Variants in VWC2 observed in about 807,000 individuals in gnomAD.
VWC2 encodes von Willebrand factor C domain containing 2.
VWC2 carries 14 observed loss-of-function variants against 29.8 expected under a neutral mutation model. That is an observed-to-expected ratio of 0.47 (90% CI 0.31 to 0.74). The LOEUF (loss-of-function observed/expected upper bound fraction) is 0.74, where lower values mean the gene tolerates loss of function less well. Ranked by LOEUF, VWC2 falls within the 30% of genes least tolerant of loss-of-function variation. VWC2 has a pLI of 0.05. For synonymous variants in VWC2, 213 were observed against 199.0 expected, an observed-to-expected ratio of 1.07 and a Z score of -0.59; for missense variants, 457 against 459.8, an observed-to-expected ratio of 0.99 and a Z score of 0.05.
intron 3 of VWC2, among the ~76,000 whole-genome samples, chr7:49,902,960 A>G (rs1792852579): frequency 6.6e-6 from 1 of 152,172 alleles, no homozygotes; most frequent in Non-Finnish European, 1.5e-5. Flanking sequence ...TAGGCAAAAT[A>G]CATGAAGAGT....
intron 2 of VWC2, among the ~76,000 whole-genome samples, chr7:49,784,351 G>A (rs1451621527): frequency 1.3e-5 from 2 of 152,230 alleles, no homozygotes; most frequent in East Asian, 3.8e-4. Flanking sequence ...TAAAAGCACA[G>A]CTGAAGTGGC....
intron 2 of VWC2, among the ~76,000 whole-genome samples, chr7:49,788,939 ATG>A (rs1457743000): frequency 1.5e-5 from 2 of 132,446 alleles, no homozygotes; most frequent in African/African-American, 5.8e-5. Context: ...GTGTGAGAAT[ATG>A]AGTGTGGGTG....
In VWC2 at chr7:49,911,822, G is replaced by A. The variant is rs190001805; in HGVS notation, c.827-212G>A. Among the ~76,000 whole-genome samples the A allele has an allele frequency of 5.0e-3, 757 of 150,558 alleles. 14 individuals are homozygous for A. Among genetic ancestry groups the A allele is most frequent in the Middle Eastern group, 6.9e-3 (2 of 288 alleles). On this transcript the variant is annotated intron_variant, in intron 3 of 3. Transcript: ENST00000340652. ...TGAGGCAGGAGAATTGCCTGAATCC[G>A]GGAGGCAGAAGTTGCAGTGAGCCGA...
At chr7:49,814,813 G>A (rs181891586) in intron 3 of VWC2, among the ~76,000 whole-genome samples, 14 of 152,250 alleles carry the variant, frequency 9.2e-5, no homozygotes, top group African/African-American at 3.4e-4. Flanking sequence ...GACCAGCCCT[G>A]GCGTCACTTC....
intron 3 of VWC2, among the ~76,000 whole-genome samples, chr7:49,835,694 A>G (rs957941762): frequency 1.4e-4 from 22 of 152,352 alleles, no homozygotes; most frequent in African/African-American, 5.3e-4. Context: ...TGGTGTGGCA[A>G]TTTGTGTTGC....
intron 3 of VWC2, among the ~76,000 whole-genome samples, chr7:49,824,968 A>C (rs1031563061): frequency 1.6e-4 from 25 of 152,036 alleles, no homozygotes; most frequent in African/African-American, 5.8e-4. Flanking sequence ...TACTCTTCCT[A>C]AGCCCAAATT....
chr7:49,798,989 C>T (rs145938400), intron 2 of VWC2, among the ~76,000 whole-genome samples: 85 of 152,268 alleles, frequency 5.6e-4, no homozygotes, highest in Non-Finnish European at 1.0e-3. Flanking sequence ...TGTGAGCCAG[C>T]GAGACAGGAC....
chr7:49,832,762 TA>T, intron 3 of VWC2, among the ~76,000 whole-genome samples: 1 of 152,276 alleles, frequency 6.6e-6, no homozygotes, highest in East Asian at 1.9e-4. Context: ...AACATTCAGG[TA>T]AAATTCTACA....
At chr7:49,851,041 T>C (rs1242358075) in intron 3 of VWC2, among the ~76,000 whole-genome samples, 1 of 152,168 alleles carries the variant, frequency 6.6e-6, no homozygotes, top group African/African-American at 2.4e-5. Context: ...CTAAAGTAGA[T>C]CAAGGTCCCA....
At chr7:49,882,548 C>CAG in intron 3 of VWC2, among the ~76,000 whole-genome samples, 1 of 151,742 alleles carries the variant, frequency 6.6e-6, no homozygotes, top group East Asian at 1.9e-4. Context: ...GAGAGAGAGA[C>CAG]AGAGAGAGAC....
intron 3 of VWC2, among the ~76,000 whole-genome samples, chr7:49,877,408 G>A (rs2128725512): frequency 7.5e-6 from 1 of 133,614 alleles, no homozygotes; most frequent in South Asian, 2.4e-4. Context: ...GTTGCAGTGA[G>A]CTGAGATCAC....
intron 3 of VWC2, among the ~76,000 whole-genome samples, chr7:49,866,237 T>A (rs1790886019): frequency 6.6e-6 from 1 of 152,202 alleles, no homozygotes; most frequent in African/African-American, 2.4e-5. Flanking sequence ...CCAGATGTGT[T>A]CACTGGGTAT....
intron 3 of VWC2, among the ~76,000 whole-genome samples, chr7:49,911,668 G>T (rs907228107): frequency 1.1e-4 from 16 of 151,808 alleles, no homozygotes; most frequent in African/African-American, 3.9e-4. Flanking sequence ...AAGCCAAGGT[G>T]GGTGGATCAC....
chr7:49,825,316 G>A (rs1215991655), intron 3 of VWC2, among the ~76,000 whole-genome samples: 2 of 151,998 alleles, frequency 1.3e-5, no homozygotes, highest in Non-Finnish European at 2.9e-5. Context: ...TGAAGTCTTT[G>A]TCTACAGAGC....
chr7:49,865,215 G>C (rs1049773921), intron 3 of VWC2, among the ~76,000 whole-genome samples: 1 of 152,170 alleles, frequency 6.6e-6, no homozygotes, highest in Non-Finnish European at 1.5e-5. Flanking sequence ...TGTGGTCCGT[G>C]GGGTAGGAGA....
chr7:49,814,367 A>G (rs1041044506), intron 3 of VWC2, among the ~76,000 whole-genome samples: 2 of 152,188 alleles, frequency 1.3e-5, no homozygotes, highest in East Asian at 3.8e-4. Context: ...ATTTCTGACA[A>G]ACTAGATAAG....
At chr7:49,807,444 A>G (rs1788905672) in intron 3 of VWC2, among the ~76,000 whole-genome samples, 1 of 152,196 alleles carries the variant, frequency 6.6e-6, no homozygotes, top group Admixed American at 6.5e-5. Flanking sequence ...AAGACTGACA[A>G]ATGGAACAGG....
chr7:49,846,901 T>C (rs1322571521), intron 3 of VWC2, among the ~76,000 whole-genome samples: 2 of 152,228 alleles, frequency 1.3e-5, no homozygotes, highest in Non-Finnish European at 2.9e-5. Flanking sequence ...AATATTATGA[T>C]ACAAATATCT....
chr7:49,874,773 G>C (rs1224523702), intron 3 of VWC2, among the ~76,000 whole-genome samples: 2 of 152,158 alleles, frequency 1.3e-5, no homozygotes, highest in African/African-American at 4.8e-5. Flanking sequence ...GAGGTGATGA[G>C]AGACCAGGAG....
Sources: allele counts gnomAD v4.1 joint callset (sites outside exome capture counted in the v4.1 genomes callset), GRCh38; gene constraint gnomAD v4.1.1; transcripts MANE v1.5; gene names NCBI Gene and HGNC (gene_info 2026-07-23, HGNC 2026-07-21).